The following MYOM2 variants were observed in gnomAD, a reference collection of about 807,000 sequenced individuals.
MYOM2 encodes the protein myomesin 2.
A neutral mutation model predicts 187.6 loss-of-function variants in MYOM2; 254 were observed. That is an observed-to-expected ratio of 1.35 (90% CI 1.22 to 1.50). The LOEUF (loss-of-function observed/expected upper bound fraction) is 1.50, where lower values mean the gene tolerates loss of function less well. MYOM2 is among the 40% of genes most tolerant of loss of function. The probability of loss-of-function intolerance (pLI) is 0.00; values close to 1 mark genes in which losing one functional copy is unlikely to be tolerated. For missense variants in MYOM2, 2,796 were observed against 1,924.0 expected (o/e 1.45, Z -8.48); for synonymous variants, 981 against 753.8 (o/e 1.30, Z -4.94).
In MYOM2 at chr8:2,108,778, C is replaced by T. The variant is rs1978898; in HGVS notation, c.2999-8C>T. 0.24 allele frequency: 382,536 copies of T among 1,612,478 alleles called. 48,333 individuals carry two copies. The highest frequency in any genetic ancestry group is 0.26 in the Non-Finnish European group (304,461 of 1,178,910). On this transcript the variant is annotated splice_region_variant and splice_polypyrimidine_tract_variant and intron_variant, in intron 23 of 36. Coordinates refer to ENST00000262113, the MANE Select transcript of MYOM2 (RefSeq NM_003970.4). ...CAGATGAATTGAAATACTTTTTCTT[C>T]GTTTTAGAGCTCGAGCGTTTGATGG...
At position 2,123,298 on chromosome 8, in the gene MYOM2, A is replaced by T; in HGVS notation, c.3500A>T (p.Asp1167Val). The stretch of plus-strand genomic sequence containing the variant: ...ACCGTTTTCAAATGGCTCAAGGATG[A>T]TGTTCTGTATGAAACGGAGACACTG... ...KETVFKWLKD[D>V]VLYETETLPN... Residue 1167 changes from aspartate to valine, a missense_variant, in exon 29 of 37, where the codon GAT becomes GTT. Transcript: ENST00000262113. 1 of 1,613,504 alleles carries T rather than the reference A, an allele frequency of 6.2e-7. No homozygotes were observed. The highest frequency in any genetic ancestry group is 1.3e-5 in the African/African-American group (1 of 74,954).
intron 13 of MYOM2, among the ~76,000 whole-genome samples, chr8:2,084,219 T>C (rs1193022619): frequency 6.6e-6 from 1 of 152,234 alleles, no homozygotes; most frequent in African/African-American, 2.4e-5. Flanking sequence ...AGTTACCCTC[T>C]GCATTTTCCG....
At chr8:2,083,099 T>C (rs939190154) in intron 13 of MYOM2, among the ~76,000 whole-genome samples, 1 of 152,210 alleles carries the variant, frequency 6.6e-6, no homozygotes, top group African/African-American at 2.4e-5. Flanking sequence ...AATAAGATAT[T>C]GAATGTGAAA....
At chr8:2,137,361 A>C (rs1227582803) in intron 32 of MYOM2, among the ~76,000 whole-genome samples, 1 of 151,980 alleles carries the variant, frequency 6.6e-6, no homozygotes, top group East Asian at 2.0e-4. Flanking sequence ...GACACCAGGC[A>C]TGACAAAAAT....
chr8:2,144,548 A>C, intron 36 of MYOM2, 116 bp from the exon 37 acceptor site: 1 of 1,074,178 alleles, frequency 9.3e-7, no homozygotes, highest in South Asian at 1.4e-5. Context: ...TTCTAAACAA[A>C]CGATTGAAGG....
intron 10 of MYOM2, among the ~76,000 whole-genome samples, 159 bp from the exon 11 acceptor site, chr8:2,075,982 C>T (rs1819403245): frequency 6.6e-6 from 1 of 152,206 alleles, no homozygotes; most frequent in African/African-American, 2.4e-5. Flanking sequence ...TTGTCACCAA[C>T]CCGCCAGAGT....
At chr8:2,089,338 C>T (rs553715996) in intron 14 of MYOM2, among the ~76,000 whole-genome samples, 195 of 147,902 alleles carry the variant, frequency 1.3e-3, no homozygotes, top group African/African-American at 4.6e-3. Flanking sequence ...ATAATTCCAC[C>T]ATATAAAATA....
chr8:2,142,530 C>G, intron 35 of MYOM2, 133 bp downstream of exon 35: 1 of 851,310 alleles, frequency 1.2e-6, no homozygotes. Context: ...ACAACGCCAC[C>G]AACACCACAC....
At chr8:2,083,447 G>A (rs1210125757) in intron 13 of MYOM2, among the ~76,000 whole-genome samples, 4 of 147,388 alleles carry the variant, frequency 2.7e-5, no homozygotes, top group East Asian at 2.0e-4. Context: ...TGTGCTTAGC[G>A]GCATCTCGCA....
chr8:2,107,630 C>A (rs957318012), intron 23 of MYOM2, among the ~76,000 whole-genome samples: 3 of 152,146 alleles, frequency 2.0e-5, no homozygotes, highest in Non-Finnish European at 2.9e-5. Flanking sequence ...AACTCATGCA[C>A]ATTTAACAAG....
At chr8:2,073,231 C>T (rs1287202502) in intron 9 of MYOM2, 108 bp from the exon 10 acceptor site, 3 of 1,249,042 alleles carry the variant, frequency 2.4e-6, no homozygotes, top group East Asian at 4.7e-5. Flanking sequence ...CCGTGGTGTC[C>T]AGCTCGACTG....
At chr8:2,086,780 T>C (rs545150190) in intron 14 of MYOM2, among the ~76,000 whole-genome samples, 2 of 152,294 alleles carry the variant, frequency 1.3e-5, no homozygotes, top group East Asian at 3.9e-4. Context: ...AGCGTCTCCT[T>C]CCTGCTGCAA....
chr8:2,089,000 G>A (rs575155144), intron 14 of MYOM2, among the ~76,000 whole-genome samples: 1 of 152,134 alleles, frequency 6.6e-6, no homozygotes, highest in African/African-American at 2.4e-5. Flanking sequence ...CGCCCTGGGG[G>A]CTCCCACCAC....
chr8:2,139,730 C>T (rs1798210492), intron 32 of MYOM2, among the ~76,000 whole-genome samples: 1 of 152,148 alleles, frequency 6.6e-6, no homozygotes, highest in African/African-American at 2.4e-5. Flanking sequence ...TGTTTTCATG[C>T]ACCTGTGACT....
chr8:2,050,746 T>G lies in MYOM2; in HGVS notation c.-12-9T>G. 6.4e-7 allele frequency: 1 copy of G among 1,557,764 alleles called. No homozygotes were observed. Reference sequence around the variant, plus strand: ...GGGAGCTCAGTGTTGTGTGTGACTCTCTTTGTAGGAGCACGCCAAGATGTC... The same window carrying G: ...GGGAGCTCAGTGTTGTGTGTGACTCGCTTTGTAGGAGCACGCCAAGATGTC... On this transcript the variant is annotated splice_polypyrimidine_tract_variant and intron_variant, in intron 1 of 36. Coordinates refer to ENST00000262113, the MANE Select transcript of MYOM2 (RefSeq NM_003970.4).
Position 2,060,338 on chromosome 8 carries a change from T to G in MYOM2, c.653+1093T>G, listed in dbSNP as rs147765115. On this transcript the variant is annotated intron_variant, in intron 6 of 36. Transcript: ENST00000262113. ...AAAACAATTATCAAGAGACAGATAGTAACAATTTTATCTTCTCTATAGGAC... is the reference window on the plus strand; with the variant it reads ...AAAACAATTATCAAGAGACAGATAGGAACAATTTTATCTTCTCTATAGGAC... Among the ~76,000 whole-genome samples the G allele has an allele frequency of 6.6e-3, 1,006 of 152,272 alleles. 21 individuals carry two copies. Among genetic ancestry groups the G allele is most frequent in the African/African-American group, 0.023 (961 of 41,544 alleles).
intron 6 of MYOM2, among the ~76,000 whole-genome samples, chr8:2,061,420 C>G (rs1230351360): frequency 6.6e-6 from 1 of 152,176 alleles, no homozygotes; most frequent in African/African-American, 2.4e-5. Flanking sequence ...CTGTCTGGCT[C>G]CTGCCCTGTG....
At chr8:2,068,761 AC>A (rs947433542) in intron 6 of MYOM2, among the ~76,000 whole-genome samples, 8 of 150,764 alleles carry the variant, frequency 5.3e-5, no homozygotes, top group African/African-American at 1.5e-4. Context: ...CATGGAATGG[AC>A]CCCCCCGCCA....
At position 2,141,147 on chromosome 8, in the gene MYOM2, A is replaced by G; in HGVS notation, c.3971A>G (p.Asp1324Gly). Reference sequence around the variant, plus strand: ...ATGAACTATTTCCTCACAGCTTTTGATGAAGCATTTGCAGAATTCCAGCAA... The same window carrying G: ...ATGAACTATTTCCTCACAGCTTTTGGTGAAGCATTTGCAGAATTCCAGCAA... ...RSLDLSGQAF[D>G]EAFAEFQQFK... Residue 1324 changes from aspartate to glycine, a missense_variant, in exon 34 of 37, where the codon GAT becomes GGT. By Grantham distance (94) the Asp-to-Gly change is moderately conservative. Transcript: ENST00000262113. The G allele has an allele frequency of 3.1e-6, 5 of 1,612,146 alleles. No homozygotes were observed. Among genetic ancestry groups the G allele is most frequent in the Non-Finnish European group, 4.2e-6 (5 of 1,178,552 alleles).
Sources: allele counts gnomAD v4.1 joint callset (sites outside exome capture counted in the v4.1 genomes callset), GRCh38; gene constraint gnomAD v4.1.1; transcripts MANE v1.5; gene names NCBI Gene and HGNC (gene_info 2026-07-23, HGNC 2026-07-21).